The following SV2B variants were observed in gnomAD, a reference collection of about 807,000 sequenced individuals.
The protein encoded by SV2B is solute carrier family 22 member B2.
In SV2B, 41 loss-of-function variants were observed where a neutral mutation model predicts 73.9. That is an observed-to-expected ratio of 0.56 (90% CI 0.43 to 0.72). The LOEUF (loss-of-function observed/expected upper bound fraction) is 0.72. SV2B is among the 30% of genes least tolerant of loss of function. The pLI is 0.00. For missense variants in SV2B, 764 were observed against 857.8 expected (o/e 0.89, Z 1.37); for synonymous variants, 314 against 314.2 (o/e 1.00, Z 0.01).
rs189444995 is a variant in SV2B, at chr15:91,293,382, C to T, written c.*830C>T. 3 of 152,318 alleles carry T rather than the reference C, an allele frequency of 2.0e-5. No homozygotes were observed. Among genetic ancestry groups the T allele is most frequent in the Admixed American group, 1.3e-4 (2 of 15,300 alleles). The allele number at this position is 152,318 out of a possible 1,614,324, so 9.4% of individuals were successfully genotyped here. ...AAATGAGGTCTGATCAAATGAAATG[C>T]AAGCACAATTTCTTACAGCCATTTA... On this transcript the variant is annotated 3_prime_UTR_variant, in exon 13 of 13. Coordinates refer to ENST00000394232, the MANE Select transcript of SV2B (RefSeq NM_001323032.3).
chr15:91,201,938 C>T (rs1228124634), intron 1 of SV2B, among the ~76,000 whole-genome samples: 2 of 152,292 alleles, frequency 1.3e-5, no homozygotes, highest in African/African-American at 2.4e-5. Context: ...AACATAGCAG[C>T]CAGGTGATCC....
In SV2B at chr15:91,244,793, G is replaced by C. The variant is rs145905036; in HGVS notation, c.452-7026G>C. ...GGTTGAGTAATAAATAAATGGAATG[G>C]AAATGACAGGAATTACTTTTTAGAG... On this transcript the variant is annotated intron_variant, in intron 2 of 12. Coordinates refer to ENST00000394232, the MANE Select transcript of SV2B (RefSeq NM_001323032.3). Among the ~76,000 whole-genome samples the C allele has an allele frequency of 6.2e-4, 94 of 152,292 alleles. 1 individual carries two copies. The East Asian group carries it at 0.016, about 25-fold the overall frequency.
intron 1 of SV2B, among the ~76,000 whole-genome samples, chr15:91,215,119 T>C (rs2045981473): frequency 1.3e-5 from 2 of 152,196 alleles, no homozygotes; most frequent in African/African-American, 4.8e-5. Flanking sequence ...GTCTTTGTCC[T>C]TGTGGTTGGG....
At chr15:91,198,481 G>A (rs1428362254) in intron 1 of SV2B, among the ~76,000 whole-genome samples, 2 of 151,788 alleles carry the variant, frequency 1.3e-5, no homozygotes, top group Non-Finnish European at 2.9e-5. Context: ...GTGTGTGTGT[G>A]TGTGTGTGTG....
chr15:91,240,573 T>C lies in SV2B; in HGVS notation c.452-11246T>C, dbSNP rs2046970790. On this transcript the variant is annotated intron_variant, in intron 2 of 12. Coordinates refer to ENST00000394232, the MANE Select transcript of SV2B (RefSeq NM_001323032.3). The surrounding 1 kb of genome is among the most constrained non-coding windows in gnomAD (Gnocchi z 4.6). ...AAGATGGCTCTCTCTGACCTCCATT[T>C]TTCCACTGGCAAGAGTAAAGAAGAT... Among the ~76,000 whole-genome samples, 1 of 152,154 alleles carries C rather than the reference T, an allele frequency of 6.6e-6. No homozygotes were observed. Among genetic ancestry groups the C allele is most frequent in the African/African-American group, 2.4e-5 (1 of 41,422 alleles).
chr15:91,164,952 T>C (rs550826279), intron 1 of SV2B, among the ~76,000 whole-genome samples: 1 of 152,294 alleles, frequency 6.6e-6, no homozygotes, highest in African/African-American at 2.4e-5. Context: ...ATTACAAAAT[T>C]ATGGGTGTTT....
intron 1 of SV2B, among the ~76,000 whole-genome samples, chr15:91,201,152 C>G (rs1041349025): frequency 6.6e-6 from 1 of 152,152 alleles, no homozygotes; most frequent in African/African-American, 2.4e-5. Flanking sequence ...CTTTCAAACT[C>G]AAGCTTGGGT....
At chr15:91,177,010 T>C (rs1490691470) in intron 1 of SV2B, among the ~76,000 whole-genome samples, 1 of 151,706 alleles carries the variant, frequency 6.6e-6, no homozygotes, top group Non-Finnish European at 1.5e-5. Flanking sequence ...TCTTCTAGGG[T>C]TTTTATGGTT....
At chr15:91,169,747 G>A (rs1250224894) in intron 1 of SV2B, among the ~76,000 whole-genome samples, 1 of 152,184 alleles carries the variant, frequency 6.6e-6, no homozygotes, top group African/African-American at 2.4e-5. Flanking sequence ...AGGGTAATGG[G>A]TAGCGGCGGA....
intron 5 of SV2B, among the ~76,000 whole-genome samples, 174 bp from the exon 6 acceptor site, chr15:91,260,146 T>C (rs772965973): frequency 6.6e-6 from 1 of 152,180 alleles, no homozygotes. Context: ...GATGGAAGCT[T>C]GTCCTGGTCT....
rs1327412559 is a variant in SV2B at position 91,224,224 on chromosome 15, G to A, written c.-391-1649G>A. On this transcript the variant is annotated intron_variant, in intron 1 of 12. Transcript: ENST00000394232. The surrounding 1 kb of genome is among the most constrained non-coding windows in gnomAD (Gnocchi z 4.9). ...TCCAATCCTTTGTGAGGTGACATCTGCTGAGCATGCTGAAAGGACAGTGGA... is the reference window on the plus strand; with the variant it reads ...TCCAATCCTTTGTGAGGTGACATCTACTGAGCATGCTGAAAGGACAGTGGA... 6.6e-6 allele frequency among the ~76,000 whole-genome samples: 1 copy of A among 152,186 alleles called. No individual in the cohort carries two copies. Among genetic ancestry groups the A allele is most frequent in the Non-Finnish European group, 1.5e-5 (1 of 68,042 alleles).
Position 91,226,083 on chromosome 15 carries a change from A to G in SV2B, c.-181A>G. Reference sequence around the variant, plus strand: ...GGATATTTAGGTTGTCTTTGCACAAATCTGGTTGATTTGAGAGATAAAGGG... The same window carrying G: ...GGATATTTAGGTTGTCTTTGCACAAGTCTGGTTGATTTGAGAGATAAAGGG... On this transcript the variant is annotated 5_prime_UTR_variant, in exon 2 of 13. Coordinates refer to ENST00000394232, the MANE Select transcript of SV2B (RefSeq NM_001323032.3). The G allele has an allele frequency of 6.3e-6, 4 of 631,104 alleles. No individual in the cohort carries two copies. The highest frequency in any genetic ancestry group is 1.1e-5 in the Non-Finnish European group (4 of 370,904). 39.1% of individuals were successfully genotyped at this position (631,104 alleles called of 1,614,324 possible).
chr15:91,220,388 A>G lies in SV2B; in HGVS notation c.-391-5485A>G, dbSNP rs1385814850. On this transcript the variant is annotated intron_variant, in intron 1 of 12. Coordinates refer to ENST00000394232, the MANE Select transcript of SV2B (RefSeq NM_001323032.3). This position sits in a 1 kb window ranked among gnomAD's most constrained non-coding sequence, Gnocchi z 4.1. ...TTTAATATAGCAATGTGCATTGTGC[A>G]TTTCTGAAAGAGAATAGTGAATAGA... is the stretch of plus-strand genomic sequence containing the variant. Among the ~76,000 whole-genome samples the G allele has an allele frequency of 6.6e-6, 1 of 152,228 alleles. No individual in the cohort carries two copies. The highest frequency in any genetic ancestry group is 1.5e-5 in the Non-Finnish European group (1 of 68,036).
At chr15:91,189,663 A>G (rs1213910899) in intron 1 of SV2B, among the ~76,000 whole-genome samples, 1 of 152,112 alleles carries the variant, frequency 6.6e-6, no homozygotes, top group African/African-American at 2.4e-5. Context: ...AGAGTTTTAG[A>G]TTTTCTCTGG....
chr15:91,107,401 C>G (rs1285455263), intron 1 of SV2B, among the ~76,000 whole-genome samples: 4 of 151,966 alleles, frequency 2.6e-5, no homozygotes, highest in Non-Finnish European at 5.9e-5. Context: ...CAACCTCTGC[C>G]TCCCGGGTTC....
intron 4 of SV2B, among the ~76,000 whole-genome samples, chr15:91,257,359 C>A (rs528958883): frequency 6.6e-6 from 1 of 152,326 alleles, no homozygotes; most frequent in African/African-American, 2.4e-5. Flanking sequence ...AATTTGAACT[C>A]TGATCTCTGT....
rs777317627 is a variant in SV2B, at chr15:91,284,295, A to C, written c.1708+74A>C. ...GACTTTCAAGTGTATTAAACAGGGA[A>C]ATTTTCCCTTTTATTAAATAATTCT... is the stretch of plus-strand genomic sequence containing the variant. On this transcript the variant is annotated intron_variant, in intron 11 of 12. Transcript: ENST00000394232. This position sits in a 1 kb window ranked among gnomAD's most constrained non-coding sequence, Gnocchi z 4.5. The C allele has an allele frequency of 2.1e-5, 32 of 1,510,176 alleles. No homozygotes were observed. Among genetic ancestry groups the C allele is most frequent in the Non-Finnish European group, 2.8e-5 (31 of 1,098,322 alleles). 93.5% of individuals were successfully genotyped at this position (1,510,176 alleles called of 1,614,324 possible). A position where few individuals can be genotyped will look rare whatever the true frequency, so the allele number is the denominator to read the frequency against.
intron 1 of SV2B, among the ~76,000 whole-genome samples, chr15:91,188,120 T>G (rs1051464550): frequency 1.3e-5 from 2 of 151,966 alleles, no homozygotes; most frequent in Admixed American, 6.6e-5. Context: ...TATTTTAAAA[T>G]GAATAATTAT....
chr15:91,208,505 C>G (rs1456267971), intron 1 of SV2B, among the ~76,000 whole-genome samples: 2 of 152,180 alleles, frequency 1.3e-5, no homozygotes, highest in Admixed American at 1.3e-4. Context: ...GGTTTCAAGA[C>G]TCCGGATGAC....
Sources: allele counts gnomAD v4.1 joint callset (sites outside exome capture counted in the v4.1 genomes callset), GRCh38; gene constraint gnomAD v4.1.1; non-coding constraint Gnocchi (gnomAD v3.1); transcripts MANE v1.5; gene names NCBI Gene and HGNC (gene_info 2026-07-23, HGNC 2026-07-21).